Variants in WDR87 observed in about 807,000 individuals in gnomAD.
The protein encoded by WDR87 is WD repeat-containing protein 87.
WDR87 carries 56 observed loss-of-function variants against 83.3 expected under a neutral mutation model. The observed-to-expected ratio is 0.67, with a 90% CI of 0.54 to 0.84. WDR87 has a LOEUF of 0.84. WDR87 is among the 40% of genes least tolerant of loss of function. The pLI, the probability that WDR87 is intolerant of heterozygous loss-of-function variation, is 0.00. For synonymous variants in WDR87, 1,173 were observed against 1,250.6 expected (o/e 0.94, Z 1.31); for missense variants, 2,939 against 3,431.9 (o/e 0.86, Z 3.59).
intron 1 of WDR87, among the ~76,000 whole-genome samples, chr19:37,902,112 C>T (rs2046297356): frequency 6.6e-6 from 1 of 152,090 alleles, no homozygotes; most frequent in Non-Finnish European, 1.5e-5. Flanking sequence ...CAGAGGATGA[C>T]ATTTGACTCC....
rs778043098 is a variant in WDR87, at chr19:37,887,101, T to C, written c.6570A>G (p.Arg2190=). 6.5e-7 allele frequency: 1 copy of C among 1,550,028 alleles called. No individual in the cohort carries two copies. Among genetic ancestry groups the C allele is most frequent in the South Asian group, 1.2e-5 (1 of 83,574 alleles). Residue 2190 remains arginine (R), a synonymous_variant, in exon 6 of 6, where the codon AGA becomes AGG. Coordinates refer to ENST00000447313, the MANE Select transcript of WDR87 (RefSeq NM_001291088.2). ...TTTTTTCTTCTTTGTTTATCATTCT[T>C]CTCATTTTGTTGGCCAGTTTTCTCT... The part of the protein sequence containing the change: ...RKQRKLANKM[R]RMINKEEKMT...
rs564943488 is a variant in WDR87, at chr19:37,895,933, C to A, written c.246+205G>T. On this transcript the variant is annotated intron_variant, in intron 3 of 5. Coordinates refer to ENST00000447313, the MANE Select transcript of WDR87 (RefSeq NM_001291088.2). ...ACGGTAGAGGCAGGAATCCTAGGACCCTTTTCCTAACCTTGGTTTACTTCG... is the reference window on the plus strand; with the variant it reads ...ACGGTAGAGGCAGGAATCCTAGGACACTTTTCCTAACCTTGGTTTACTTCG... The A allele has an allele frequency of 1.7e-4, 114 of 655,682 alleles. No individual in the cohort carries two copies. The South Asian group carries it at 2.4e-3, about 14-fold the overall frequency. The allele number at this position is 655,682 out of a possible 1,614,324, so 40.6% of individuals were successfully genotyped here.
In WDR87 at chr19:37,893,189, G is replaced by A. The variant is rs1031144588; in HGVS notation, c.2514C>T (p.Thr838=). 2 of 1,551,756 alleles carry A rather than the reference G, an allele frequency of 1.3e-6. No individual in the cohort carries two copies. Among genetic ancestry groups the A allele is most frequent in the African/African-American group, 2.7e-5 (2 of 73,042 alleles). The change falls in exon 4 of 6, where the codon ACC becomes ACT. Residue 838 remains threonine, a synonymous_variant. Transcript: ENST00000447313. ...GCAGGTTGCACTGTAGGTATATTGG[G>A]GTGCCCTCTGGCCAAAGACGGGCAC... ...VIRARLWPEG[T]PIYLQCNLHA...
chr19:37,888,074 G>T lies in WDR87; in HGVS notation c.5597C>A (p.Thr1866Lys). Residue 1866 changes from threonine (T) to lysine (K), a missense_variant, in exon 6 of 6, where the codon ACA (threonine) becomes AAA (lysine). Coordinates refer to ENST00000447313, the MANE Select transcript of WDR87 (RefSeq NM_001291088.2). ...CTGGTACAGTATCATCTTGTTCTTT[G>T]TGAGTTCTTCCATGCTGTTGATCCA... The part of the protein sequence containing the change: ...ERWINSMEEL[T>K]KNKMILYQKK... 2 of 1,551,470 alleles carry T rather than the reference G, an allele frequency of 1.3e-6. No individual in the cohort carries two copies. Among genetic ancestry groups the T allele is most frequent in the Non-Finnish European group, 1.7e-6 (2 of 1,146,978 alleles).
Position 37,891,654 on chromosome 19 carries a change from G to C in WDR87, c.3292C>G (p.Leu1098Val), listed in dbSNP as rs1276660481. 6.4e-7 allele frequency: 1 copy of C among 1,551,746 alleles called. No homozygotes were observed. Among genetic ancestry groups the C allele is most frequent in the African/African-American group, 1.4e-5 (1 of 73,032 alleles). ...GTAGGAGGTTTCAGGGAGGATTTAA[G>C]TTCAGAAGGCATTGAGACATCTAAA... ...FSLDVSMPSELKSSLKPPTVS... is the reference protein window; with the variant it reads ...FSLDVSMPSEVKSSLKPPTVS... The change falls in exon 5 of 6, where the codon CTT becomes GTT. Residue 1098 changes from leucine (L) to valine (V), a missense_variant. Around this residue, in one of 3 missense-constraint regions of WDR87, gnomAD observed 2,160 missense variants for 2,533.1 expected, o/e 0.85. Transcript: ENST00000447313.
chr19:37,897,569 T>C (rs2046266006), intron 2 of WDR87, among the ~76,000 whole-genome samples: 1 of 152,052 alleles, frequency 6.6e-6, no homozygotes, highest in Non-Finnish European at 1.5e-5. Flanking sequence ...CTGTTTTCTC[T>C]GGTGCCTCCT....
Position 37,898,269 on chromosome 19 carries a change from G to A in WDR87, c.-30C>T, listed in dbSNP as rs747245209. ...GTCAGACTCCCTTGGCCCTCCTGAG[G>A]ACTGTTGCTTAAAAACCTGTGGGAA... On this transcript the variant is annotated 5_prime_UTR_variant, in exon 2 of 6. Transcript: ENST00000447313. 8.4e-6 allele frequency: 13 copies of A among 1,548,030 alleles called. No homozygotes were observed. Among genetic ancestry groups the A allele is most frequent in the Non-Finnish European group, 1.1e-5 (13 of 1,145,928 alleles).
Position 37,885,273 on chromosome 19 carries a change from A to T in WDR87, c.8398T>A (p.Tyr2800Asn). ...MEQFYQLMDL[Y>N]QLKSPRIQKL... is the part of the protein sequence containing the mutation. ...TGGATTCTGGGGGACTTAAGTTGGTACAGGTCCATGAGCTGGTAGAACTGT... is the reference window on the plus strand; with the variant it reads ...TGGATTCTGGGGGACTTAAGTTGGTTCAGGTCCATGAGCTGGTAGAACTGT... Residue 2800 changes from tyrosine (Y) to asparagine (N), a missense_variant, in exon 6 of 6, where the codon TAC (tyrosine) becomes AAC (asparagine). Tyr to Asn is a moderately radical substitution (Grantham distance 143, BLOSUM62 -2). Coordinates refer to ENST00000447313, the MANE Select transcript of WDR87 (RefSeq NM_001291088.2). 6.5e-7 allele frequency: 1 copy of T among 1,538,734 alleles called. No homozygotes were observed. The highest frequency in any genetic ancestry group is 8.8e-7 in the Non-Finnish European group (1 of 1,141,414).
chr19:37,897,754 G>C (rs562399045), intron 2 of WDR87, among the ~76,000 whole-genome samples: 2 of 151,998 alleles, frequency 1.3e-5, no homozygotes, highest in Non-Finnish European at 2.9e-5. Context: ...GCGTGGTGGC[G>C]TGCGCCTGTA....
chr19:37,886,239 C>T lies in WDR87; in HGVS notation c.7432G>A (p.Val2478Met), dbSNP rs1599756070. The change falls in exon 6 of 6, where the codon GTG (valine) becomes ATG (methionine). Residue 2478 changes from valine (V) to methionine (M), a missense_variant. Around this residue, in one of 3 missense-constraint regions of WDR87, gnomAD observed 2,160 missense variants for 2,533.1 expected, o/e 0.85. Coordinates refer to ENST00000447313, the MANE Select transcript of WDR87 (RefSeq NM_001291088.2). ...GGTATGGGTTCATATTTTCCCATCA[C>T]TTCTCTTTCTTTATCCATTGTCCCT... is the stretch of plus-strand genomic sequence containing the variant. ...FLGTMDKERE[V>M]MGKYEPIPPH... 5 of 1,551,680 alleles carry T rather than the reference C, an allele frequency of 3.2e-6. No homozygotes were observed. Among genetic ancestry groups the T allele is most frequent in the Non-Finnish European group, 4.4e-6 (5 of 1,146,988 alleles).
intron 1 of WDR87, among the ~76,000 whole-genome samples, chr19:37,902,226 T>G (rs1316808870): frequency 4.6e-5 from 7 of 152,052 alleles, no homozygotes; most frequent in Non-Finnish European, 1.5e-5. Flanking sequence ...CCTTTTTTAT[T>G]TTTTTTGAGA....
chr19:37,894,097 G>C lies in WDR87; in HGVS notation c.1606C>G (p.Leu536Val). The C allele has an allele frequency of 6.4e-7, 1 of 1,552,322 alleles. No individual in the cohort carries two copies. The highest frequency in any genetic ancestry group is 8.7e-7 in the Non-Finnish European group (1 of 1,147,150). Residue 536 changes from leucine (L) to valine (V), a missense_variant, in exon 4 of 6, where the codon CTG becomes GTG. This residue lies in a region of WDR87 where 553 missense variants were observed against 577.9 expected (regional missense o/e 0.96). Transcript: ENST00000447313. The part of the protein sequence containing the change: ...CSYGMDDYVH[L>V]SEAVLDGVKV... ...ACCCCATCAAGCACAGCTTCTGACAGGTGCACATAGTCATCCATTCCATAG... is the reference window on the plus strand; with the variant it reads ...ACCCCATCAAGCACAGCTTCTGACACGTGCACATAGTCATCCATTCCATAG...
Position 37,893,296 on chromosome 19 carries a change from A to G in WDR87, c.2407T>C (p.Tyr803His). Reference protein sequence around the residue: ...QLTSWDGLNPYQILRYYFGHG... With the variant: ...QLTSWDGLNPHQILRYYFGHG... ...CCAAAGTAGTATCGCAATATCTGAT[A>G]GGGGTTGAGTCCATCCCAGCTAGTC... is the stretch of plus-strand genomic sequence containing the variant. The change falls in exon 4 of 6, where the codon TAT (tyrosine) becomes CAT (histidine). Residue 803 changes from tyrosine to histidine, a missense_variant. This residue lies in a region of WDR87 where 2,160 missense variants were observed against 2,533.1 expected (regional missense o/e 0.85). Coordinates refer to ENST00000447313, the MANE Select transcript of WDR87 (RefSeq NM_001291088.2). The G allele has an allele frequency of 6.4e-7, 1 of 1,551,536 alleles. No homozygotes were observed. The highest frequency in any genetic ancestry group is 1.2e-5 in the South Asian group (1 of 84,062).
chr19:37,887,063 T>G lies in WDR87; in HGVS notation c.6608A>C (p.Glu2203Ala). Residue 2203 changes from glutamate to alanine, a missense_variant, in exon 6 of 6, where the codon GAG becomes GCG. By Grantham distance (107) the Glu-to-Ala change is moderately radical (BLOSUM62 -1). Around this residue, in one of 3 missense-constraint regions of WDR87, gnomAD observed 2,160 missense variants for 2,533.1 expected, o/e 0.85. Coordinates refer to ENST00000447313, the MANE Select transcript of WDR87 (RefSeq NM_001291088.2). ...TGAATGCTTTCTGGCCAATTTGCTC[T>G]CTTCCTCAGTCATTTTTTCTTCTTT... ...INKEEKMTEE[E>A]SKLARKHSEV... The G allele has an allele frequency of 6.4e-7, 1 of 1,550,974 alleles. No individual in the cohort carries two copies. Among genetic ancestry groups the G allele is most frequent in the African/African-American group, 1.4e-5 (1 of 73,030 alleles).
chr19:37,891,482 A>G, intron 5 of WDR87, 70 bp downstream of exon 5: 1 of 1,510,140 alleles, frequency 6.6e-7, no homozygotes, highest in South Asian at 1.3e-5. Context: ...GTATCTCTTG[A>G]TCCACTTTAA....
rs1298413029 is a variant in WDR87 at position 37,894,675 on chromosome 19, G to A, written c.1028C>T (p.Ala343Val). ...CAGGCGGTGCAAGGAAAAACTATGGGCAGTTTGGCAGAAGAAAGTAATGCT... is the reference window on the plus strand; with the variant it reads ...CAGGCGGTGCAAGGAAAAACTATGGACAGTTTGGCAGAAGAAAGTAATGCT... ...IDSITFFCQT[A>V]HSFSLHRLPC... Residue 343 changes from alanine (A) to valine (V), a missense_variant, in exon 4 of 6, where the codon GCC becomes GTC. By Grantham distance (64) the Ala-to-Val change is moderately conservative (BLOSUM62 0). This residue lies in a region of WDR87 where 553 missense variants were observed against 577.9 expected (regional missense o/e 0.96). Coordinates refer to ENST00000447313, the MANE Select transcript of WDR87 (RefSeq NM_001291088.2). 3 of 1,551,728 alleles carry A rather than the reference G, an allele frequency of 1.9e-6. No homozygotes were observed. The highest frequency in any genetic ancestry group is 2.6e-6 in the Non-Finnish European group (3 of 1,147,014).
intron 1 of WDR87, among the ~76,000 whole-genome samples, chr19:37,904,045 G>A (rs2145446885): frequency 6.6e-6 from 1 of 151,410 alleles, no homozygotes; most frequent in Admixed American, 6.6e-5. Context: ...AGTAGCTACA[G>A]GCGCCCGCCA....
intron 1 of WDR87, among the ~76,000 whole-genome samples, chr19:37,898,974 A>G (rs2046276243): frequency 6.6e-6 from 1 of 152,174 alleles, no homozygotes; most frequent in African/African-American, 2.4e-5. Flanking sequence ...AGACCTACTC[A>G]ATTGGAAATT....
Position 37,884,978 on chromosome 19 carries a change from A to G in WDR87, c.8693T>C (p.Leu2898Pro). The change falls in exon 6 of 6, where the codon CTT becomes CCT. Residue 2898 changes from leucine (L) to proline (P), a missense_variant. Leu to Pro is a moderately conservative substitution (Grantham distance 98). Coordinates refer to ENST00000447313, the MANE Select transcript of WDR87 (RefSeq NM_001291088.2). ...LAWKSLPEAD[L>P]HLTKALTHTV... ...GTGTGTCAGTGCCTTGGTGAGATGA[A>G]GATCAGCTTCAGGCAGGCTCTTCCA... 1.4e-6 allele frequency: 2 copies of G among 1,382,982 alleles called. No homozygotes were observed. The highest frequency in any genetic ancestry group is 1.9e-6 in the Non-Finnish European group (2 of 1,063,674). The allele number at this position is 1,382,982 out of a possible 1,614,324, so 85.7% of individuals were successfully genotyped here. A position where few individuals can be genotyped will look rare whatever the true frequency, so the allele number is the denominator to read the frequency against.
Sources: gnomAD v4.1 joint callset for allele counts (sites outside exome capture counted in the v4.1 genomes callset) on GRCh38, gnomAD v4.1.1 for gene constraint, gnomAD v4.1.1 regional missense constraint, MANE v1.5 for transcripts, NCBI Gene and HGNC (gene_info 2026-07-23, HGNC 2026-07-21) for gene names.